Variants in ATG7 observed in about 807,000 individuals in gnomAD.
ATG7 encodes the protein autophagy related 7.
Under a neutral mutation model 82.4 loss-of-function variants are expected in ATG7, and 70 were observed. The observed-to-expected ratio is 0.85, with a 90% confidence interval of 0.70 to 1.04. The LOEUF is 1.04. Among genes scored for constraint, ATG7 ranks in the 50% least tolerant of loss-of-function variants. ATG7 has a pLI of 0.00. For missense variants in ATG7, 792 were observed against 864.3 expected (o/e 0.92, Z 1.05); for synonymous variants, 287 against 313.0 (o/e 0.92, Z 0.88).
intron 9 of ATG7, among the ~76,000 whole-genome samples, chr3:11,317,475 C>A (rs2606754): frequency 6.6e-6 from 1 of 152,226 alleles, no homozygotes; most frequent in Non-Finnish European, 1.5e-5. Flanking sequence ...GTGAAACAAG[C>A]GTTAGTTACT....
chr3:11,466,269 G>T (rs2153006143), intron 20 of ATG7, among the ~76,000 whole-genome samples: 1 of 152,310 alleles, frequency 6.6e-6, no homozygotes, highest in South Asian at 2.1e-4. Context: ...TTTGAATTCT[G>T]AATGAGACAT....
At chr3:11,302,401 A>G (rs1946922755) in intron 5 of ATG7, among the ~76,000 whole-genome samples, 1 of 152,046 alleles carries the variant, frequency 6.6e-6, no homozygotes. Context: ...TTCCTTTATT[A>G]TTACCCCATT....
At chr3:11,386,895 T>G (rs2078359090) in intron 19 of ATG7, among the ~76,000 whole-genome samples, 1 of 152,232 alleles carries the variant, frequency 6.6e-6, no homozygotes, top group Non-Finnish European at 1.5e-5. Flanking sequence ...AGTATTTAGC[T>G]ACAAGCCTTA....
intron 9 of ATG7, among the ~76,000 whole-genome samples, chr3:11,328,753 A>C (rs1575479801): frequency 6.6e-6 from 1 of 152,254 alleles, no homozygotes; most frequent in African/African-American, 2.4e-5. Flanking sequence ...TAGAACATTT[A>C]CTAGCATAGA....
At chr3:11,336,836 CTAA>C (rs992016973) in intron 11 of ATG7, among the ~76,000 whole-genome samples, 5 of 151,992 alleles carry the variant, frequency 3.3e-5, no homozygotes, top group African/African-American at 1.2e-4. Context: ...CCACACCCAA[CTAA>C]TTTTTGTATT....
chr3:11,330,734 A>T (rs558095976), intron 9 of ATG7, among the ~76,000 whole-genome samples: 40 of 152,334 alleles, frequency 2.6e-4, no homozygotes, highest in Admixed American at 9.8e-4. Flanking sequence ...AGAGCTGTGA[A>T]AGCAGCAAGG....
intron 19 of ATG7, among the ~76,000 whole-genome samples, chr3:11,403,093 G>A (rs1248762035): frequency 6.6e-6 from 1 of 152,142 alleles, no homozygotes; most frequent in African/African-American, 2.4e-5. Flanking sequence ...ATATGTTGAT[G>A]CTATGGATCT....
intron 20 of ATG7, among the ~76,000 whole-genome samples, chr3:11,439,800 T>G (rs2083707487): frequency 6.6e-6 from 1 of 152,240 alleles, no homozygotes; most frequent in African/African-American, 2.4e-5. Context: ...CATCCAAGTC[T>G]CTGATGAAGA....
chr3:11,535,294 T>A (rs1180441569), intron 20 of ATG7, among the ~76,000 whole-genome samples: 1 of 152,230 alleles, frequency 6.6e-6, no homozygotes, highest in East Asian at 1.9e-4. Context: ...GTCCTTTACC[T>A]GCCTGGCTGG....
intron 20 of ATG7, among the ~76,000 whole-genome samples, chr3:11,531,264 T>A (rs2092688924): frequency 6.6e-6 from 1 of 152,050 alleles, no homozygotes; most frequent in South Asian, 2.1e-4. Context: ...CCAGAGGAAG[T>A]CAAGGAAGAG....
chr3:11,473,216 C>T (rs1270609010), intron 20 of ATG7, among the ~76,000 whole-genome samples: 1 of 152,116 alleles, frequency 6.6e-6, no homozygotes, highest in Non-Finnish European at 1.5e-5. Context: ...TTTTTCCTGC[C>T]ACTGTCAGCA....
intron 20 of ATG7, among the ~76,000 whole-genome samples, chr3:11,525,668 C>T (rs1384163421): frequency 6.6e-6 from 1 of 151,566 alleles, no homozygotes; most frequent in Non-Finnish European, 1.5e-5. Context: ...CATTCTCCTG[C>T]CTCAGCCTCC....
At chr3:11,527,043 G>A (rs774721303) in intron 20 of ATG7, among the ~76,000 whole-genome samples, 457 of 82,680 alleles carry the variant, frequency 5.5e-3, no homozygotes, top group Non-Finnish European at 9.4e-3. Flanking sequence ...GTGTATATAT[G>A]TGTGTGTGTG....
chr3:11,426,728 T>G, intron 19 of ATG7, 76 bp from the exon 20 acceptor site: 1 of 1,335,764 alleles, frequency 7.5e-7, no homozygotes, highest in South Asian at 1.7e-5. Flanking sequence ...TGACAAGAGC[T>G]TGTTAGAAGT....
chr3:11,367,084 A>G (rs2076674215), intron 18 of ATG7, among the ~76,000 whole-genome samples: 1 of 151,598 alleles, frequency 6.6e-6, no homozygotes, highest in Non-Finnish European at 1.5e-5. Flanking sequence ...AAAGTGGAGA[A>G]AGAACTTTAA....
At chr3:11,332,379 A>G (rs1371285929) in intron 10 of ATG7, among the ~76,000 whole-genome samples, 1 of 152,242 alleles carries the variant, frequency 6.6e-6, no homozygotes, top group Non-Finnish European at 1.5e-5. Context: ...GCAGTGGTTA[A>G]TGACTGAGAG....
intron 20 of ATG7, among the ~76,000 whole-genome samples, chr3:11,506,370 T>G (rs2091708806): frequency 6.6e-6 from 1 of 152,152 alleles, no homozygotes; most frequent in African/African-American, 2.4e-5. Flanking sequence ...TTTCAAGTGC[T>G]TAGTAGCCTC....
At chr3:11,573,271 GAA>G in the ATG7 span, among the ~76,000 whole-genome samples, 4,724 of 25,456 alleles carry the variant, frequency 0.19, 625 homozygotes, top group African/African-American at 0.37. Context: ...AAGAAAGAAA[GAA>G]AGAAAGAAAG....
intron 1 of ATG7, chr3:11,272,632 C>G (rs112337127): frequency 1.9e-4 from 29 of 152,490 alleles, no homozygotes; most frequent in African/African-American, 6.3e-4. Flanking sequence ...GCCGCGTCCC[C>G]TCAGACTGGT....
Sources: allele counts gnomAD v4.1 joint callset (sites outside exome capture counted in the v4.1 genomes callset), GRCh38; gene constraint gnomAD v4.1.1; transcripts MANE v1.5; gene names NCBI Gene and HGNC (gene_info 2026-07-23, HGNC 2026-07-21).